Variants in RP1 observed in about 807,000 individuals in gnomAD.
RP1 encodes oxygen-regulated protein 1.
Under a neutral mutation model 14.8 loss-of-function variants are expected in RP1, and 16 were observed. That is an observed-to-expected ratio of 1.08 (90% CI 0.73 to 1.65). RP1 has a LOEUF of 1.65. Ranked by LOEUF, RP1 falls within the 40% of genes most tolerant of loss-of-function variation. RP1 has a pLI of 0.00. For synonymous variants in RP1, 876 were observed against 883.6 expected, an observed-to-expected ratio of 0.99 and a Z score of 0.15; for missense variants, 2,631 against 2,535.0, an observed-to-expected ratio of 1.04 and a Z score of -0.81.
rs551275980 is a variant in RP1 at position 54,775,538 on chromosome 8, C to T, written c.3451+5371C>T. On this transcript the variant is annotated intron_variant, in intron 23 of 28. Coordinates refer to the RP1 transcript ENST00000637698. Reference sequence around the variant, plus strand: ...CTCTGACCCCTGGCTGTGCTTGCAGCCAGCACCACCTTGCCAGTCACATTG... The same window carrying T: ...CTCTGACCCCTGGCTGTGCTTGCAGTCAGCACCACCTTGCCAGTCACATTG... Among the ~76,000 whole-genome samples, 8 of 152,248 alleles carry T rather than the reference C, an allele frequency of 5.3e-5. 1 individual carries two copies. Among genetic ancestry groups the T allele is most frequent in the South Asian group, 4.1e-4 (2 of 4,820 alleles).
At chr8:54,779,115 A>G (rs1213032611) in intron 23 of RP1, among the ~76,000 whole-genome samples, 1 of 152,122 alleles carries the variant, frequency 6.6e-6, no homozygotes, top group Non-Finnish European at 1.5e-5. Flanking sequence ...TAAGAAACAA[A>G]CAAACATTTC....
intron 24 of RP1, among the ~76,000 whole-genome samples, chr8:54,831,270 A>T (rs1268686740): frequency 6.6e-6 from 1 of 152,008 alleles, no homozygotes; most frequent in Non-Finnish European, 1.5e-5. Flanking sequence ...ACATGATGAG[A>T]ACTACCAAAT....
At chr8:54,689,702 T>C (rs1017845392) in intron 12 of RP1, among the ~76,000 whole-genome samples, 1 of 152,080 alleles carries the variant, frequency 6.6e-6, no homozygotes, top group African/African-American at 2.4e-5. Flanking sequence ...CTTATTTAAA[T>C]TTGGAAAGTA....
chr8:54,715,158 T>TA (rs2129348232), intron 15 of RP1, among the ~76,000 whole-genome samples: 1 of 152,376 alleles, frequency 6.6e-6, no homozygotes, highest in East Asian at 1.9e-4. Context: ...CTAGGAGTTG[T>TA]TCTACTGCAA....
intron 26 of RP1, among the ~76,000 whole-genome samples, chr8:54,853,754 G>GAGAGAGAAAGAAAGAA (rs768079049): frequency 0.44 from 62,516 of 141,966 alleles, 15,429 homozygotes; most frequent in African/African-American, 0.65. Context: ...GAAAGAAAGA[G>GAGAGAGAAAGAAAGAA]AGAGAGAAAG....
intron 26 of RP1, among the ~76,000 whole-genome samples, chr8:54,853,741 A>G (rs1245922974): frequency 6.7e-6 from 1 of 150,290 alleles, no homozygotes; most frequent in Non-Finnish European, 1.5e-5. Context: ...AAAAAGAGAG[A>G]AAGAAAGAAA....
At chr8:54,781,134 T>C in intron 23 of RP1, 2 of 593,332 alleles carry the variant, frequency 3.4e-6, no homozygotes, top group Non-Finnish European at 4.2e-6. Flanking sequence ...TGAAAGACAT[T>C]GCTATAGTAT....
At chr8:54,791,989 A>G (rs1810475548) in intron 24 of RP1, among the ~76,000 whole-genome samples, 2 of 152,082 alleles carry the variant, frequency 1.3e-5, no homozygotes, top group Middle Eastern at 3.2e-3. Flanking sequence ...AAAGACACAC[A>G]TAGGCTGTAG....
intron 12 of RP1, among the ~76,000 whole-genome samples, chr8:54,698,213 A>C (rs1807918356): frequency 6.6e-6 from 1 of 152,196 alleles, no homozygotes; most frequent in Non-Finnish European, 1.5e-5. Flanking sequence ...CAACCCCATC[A>C]AAAAATGGGC....
rs1806137919 is a variant in RP1 at position 54,628,307 on chromosome 8, C to T, written c.4425C>T (p.Asp1475=). 6.2e-7 allele frequency: 1 copy of T among 1,613,744 alleles called. No homozygotes were observed. Among genetic ancestry groups the T allele is most frequent in the African/African-American group, 1.3e-5 (1 of 74,916 alleles). The change falls in exon 4 of 4, where the codon GAC becomes GAT. Residue 1475 remains aspartate, a synonymous_variant. Coordinates refer to ENST00000220676, the MANE Select transcript of RP1 (RefSeq NM_006269.2). ...LESFEELENH[D]TDIFNTVVNG... is the part of the protein sequence containing the mutation. ...CTTTTGAAGAATTAGAAAACCATGACACTGATATCTTTAATACAGTGGTAA... is the reference window on the plus strand; with the variant it reads ...CTTTTGAAGAATTAGAAAACCATGATACTGATATCTTTAATACAGTGGTAA...
intron 28 of RP1, chr8:54,865,945 A>T (rs1335946276): frequency 9.7e-7 from 1 of 1,029,356 alleles, no homozygotes; most frequent in East Asian, 3.2e-5. Flanking sequence ...ATTATGCAAA[A>T]TTATGCTCTC....
chr8:54,699,565 G>A, exon 13 of RP1: 2 of 1,360,960 alleles, frequency 1.5e-6, no homozygotes, highest in Non-Finnish European at 1.9e-6. Context: ...CATTGTCACT[G>A]GAATGGTGTG....
At chr8:54,706,510 C>A in exon 15 of RP1, 2 of 1,535,862 alleles carry the variant, frequency 1.3e-6, no homozygotes, top group Non-Finnish European at 1.7e-6. Context: ...TGTCTCCAGC[C>A]TGATGGAAGC....
chr8:54,761,048 G>T (rs1291398746), intron 22 of RP1, among the ~76,000 whole-genome samples: 3 of 152,096 alleles, frequency 2.0e-5, no homozygotes, highest in African/African-American at 7.2e-5. Context: ...CCCTGCATCA[G>T]AAGAGGTAGA....
At chr8:54,605,741 T>A (rs1805421738) in intron 1 of RP1, among the ~76,000 whole-genome samples, 1 of 152,246 alleles carries the variant, frequency 6.6e-6, no homozygotes, top group African/African-American at 2.4e-5. Context: ...GGTGCTTATA[T>A]ATTTAGGATA....
At chr8:54,635,120 T>G (rs1806322563), downstream of RP1, among the ~76,000 whole-genome samples, 1 of 152,152 alleles carries the variant, frequency 6.6e-6, no homozygotes, top group Non-Finnish European at 1.5e-5. Context: ...ATGATTATTT[T>G]TTTATCAATG....
intron 12 of RP1, among the ~76,000 whole-genome samples, chr8:54,691,062 T>A (rs1038943484): frequency 7.2e-5 from 11 of 152,016 alleles, no homozygotes; most frequent in African/African-American, 2.7e-4. Context: ...TATTCCCTCC[T>A]GGTTTGAGAG....
At chr8:54,788,690 A>G (rs1302883875) in intron 24 of RP1, among the ~76,000 whole-genome samples, 1 of 152,246 alleles carries the variant, frequency 6.6e-6, no homozygotes, top group Non-Finnish European at 1.5e-5. Context: ...ATTTTCAATT[A>G]TAGATACTTA....
chr8:54,733,961 T>C (rs1249716537), intron 17 of RP1, among the ~76,000 whole-genome samples: 2 of 152,164 alleles, frequency 1.3e-5, no homozygotes, highest in Non-Finnish European at 2.9e-5. Flanking sequence ...GTGCTTTGCA[T>C]CCCTGCTGTC....
Sources: gnomAD v4.1 joint callset for allele counts (sites outside exome capture counted in the v4.1 genomes callset) on GRCh38, gnomAD v4.1.1 for gene constraint, MANE v1.5 for transcripts, NCBI Gene and HGNC (gene_info 2026-07-23, HGNC 2026-07-21) for gene names.